ARHGAP31: variants seen among roughly 807,000 people sequenced by gnomAD.
ARHGAP31 encodes the protein Rho GTPase activating protein 31, also known as rho GTPase-activating protein 31.
In ARHGAP31, 34 loss-of-function variants were observed where a neutral mutation model predicts 113.9. The observed-to-expected ratio is 0.30, with a 90% CI of 0.23 to 0.40. The LOEUF is 0.40. ARHGAP31 is among the 10% of genes least tolerant of loss of function. The probability of loss-of-function intolerance (pLI) is 1.00; values close to 1 mark genes in which losing one functional copy is unlikely to be tolerated. For synonymous variants in ARHGAP31, 650 were observed against 684.8 expected (o/e 0.95, Z 0.79); for missense variants, 1,548 against 1,767.1 (o/e 0.88, Z 2.22).
intron 1 of ARHGAP31, among the ~76,000 whole-genome samples, chr3:119,352,612 A>T (rs567551916): frequency 3.7e-4 from 45 of 121,248 alleles, no homozygotes; most frequent in Non-Finnish European, 6.4e-4. Context: ...CCCTCTTCCC[A>T]CACACACACA....
chr3:119,302,376 A>AT (rs561213067), intron 1 of ARHGAP31, among the ~76,000 whole-genome samples: 6 of 151,916 alleles, frequency 3.9e-5, no homozygotes, highest in Non-Finnish European at 7.4e-5. Context: ...TTGGTACTAG[A>AT]TTTTTTTTTG....
chr3:119,326,152 A>G (rs2107604958), intron 1 of ARHGAP31, among the ~76,000 whole-genome samples: 2 of 152,338 alleles, frequency 1.3e-5, no homozygotes, highest in Admixed American at 1.3e-4. Context: ...AGATCATGTC[A>G]TTGCACTCCA....
At position 119,415,632 on chromosome 3, in the gene ARHGAP31, G is replaced by C; in HGVS notation, c.3703G>C (p.Gly1235Arg). ...GVQPLERSQE[G>R]PSSTSGTTQK... is the part of the protein sequence containing the mutation. Reference sequence around the variant, plus strand: ...TCAGCCTCTGGAGAGGAGCCAGGAGGGACCCAGCTCAACCAGTGGGACCAC... The same window carrying C: ...TCAGCCTCTGGAGAGGAGCCAGGAGCGACCCAGCTCAACCAGTGGGACCAC... The change falls in exon 12 of 12, where the codon GGA becomes CGA. Residue 1235 changes from glycine (G) to arginine (R), a missense_variant. Coordinates refer to ENST00000264245, the MANE Select transcript of ARHGAP31 (RefSeq NM_020754.4). 1 of 1,614,152 alleles carries C rather than the reference G, an allele frequency of 6.2e-7. No individual in the cohort carries two copies. Among genetic ancestry groups the C allele is most frequent in the South Asian group, 1.1e-5 (1 of 91,082 alleles).
chr3:119,361,017 A>G (rs942376115), intron 1 of ARHGAP31, among the ~76,000 whole-genome samples: 1 of 152,210 alleles, frequency 6.6e-6, no homozygotes, highest in African/African-American at 2.4e-5. Context: ...CTTTCTGTCT[A>G]TAACTACTCA....
At chr3:119,381,725 T>C (rs149496616) in intron 4 of ARHGAP31, among the ~76,000 whole-genome samples, 2,828 of 152,240 alleles carry the variant, frequency 0.019, 40 homozygotes, top group Non-Finnish European at 0.025. Context: ...TGGTGGCTCA[T>C]GCCTGTAATC....
At chr3:119,310,214 G>T (rs1020058997) in intron 1 of ARHGAP31, among the ~76,000 whole-genome samples, 2 of 152,162 alleles carry the variant, frequency 1.3e-5, no homozygotes, top group African/African-American at 4.8e-5. Flanking sequence ...AGGGAGCCCA[G>T]GCTCAGTCTT....
intron 1 of ARHGAP31, among the ~76,000 whole-genome samples, chr3:119,318,257 G>A (rs62265239): frequency 9.2e-5 from 14 of 152,280 alleles, no homozygotes; most frequent in African/African-American, 2.4e-4. Flanking sequence ...GTGAAAGATC[G>A]AGACCCTGTC....
chr3:119,305,948 A>G (rs1172030474), intron 1 of ARHGAP31, among the ~76,000 whole-genome samples: 2 of 152,104 alleles, frequency 1.3e-5, no homozygotes, highest in Non-Finnish European at 2.9e-5. Flanking sequence ...CTGACTTCCA[A>G]ATGGGGCATG....
At chr3:119,297,909 A>ATC (rs113464687) in intron 1 of ARHGAP31, among the ~76,000 whole-genome samples, 2 of 142,690 alleles carry the variant, frequency 1.4e-5, no homozygotes, top group African/African-American at 5.2e-5. Flanking sequence ...TTTCCTTAGA[A>ATC]ACACACACAC....
At chr3:119,368,229 A>C (rs1316969638) in intron 2 of ARHGAP31, 143 bp from the exon 3 acceptor site, 5 of 1,052,464 alleles carry the variant, frequency 4.8e-6, no homozygotes. Flanking sequence ...TAGGGCCTGG[A>C]GTAGAAGATC....
intron 1 of ARHGAP31, among the ~76,000 whole-genome samples, chr3:119,363,625 GGAAT>G (rs2107621916): frequency 6.6e-6 from 1 of 152,308 alleles, no homozygotes. Context: ...ACAAGGGAAA[GGAAT>G]GCTTAGAGCA....
intron 1 of ARHGAP31, 93 bp downstream of exon 1, chr3:119,295,097 A>G (rs1282499114): frequency 2.5e-6 from 3 of 1,190,880 alleles, no homozygotes; most frequent in Admixed American, 3.6e-5. Context: ...TCGGTTCACA[A>G]GTTAATGTAT....
chr3:119,308,733 T>TGA (rs1422168233), intron 1 of ARHGAP31, among the ~76,000 whole-genome samples: 2 of 152,256 alleles, frequency 1.3e-5, no homozygotes, highest in Admixed American at 1.3e-4. Context: ...TGAAGGGCAT[T>TGA]ATACTGCTTA....
chr3:119,376,552 G>A (rs2080350608), intron 3 of ARHGAP31, among the ~76,000 whole-genome samples: 1 of 152,060 alleles, frequency 6.6e-6, no homozygotes, highest in Admixed American at 6.6e-5. Context: ...CTTTGTACCT[G>A]CTGTTTCTTC....
Position 119,390,843 on chromosome 3 carries a change from G to A in ARHGAP31, c.741G>A (p.Leu247=), listed in dbSNP as rs755997845. ...TLPALSLPMK[L]VSLEEAQARS... ...CAGCCCTCTCCCTGCCCATGAAGCT[G>A]GTGAGCCTTGAGGAAGCTCAAGCCC... Residue 247 remains leucine, a synonymous_variant, in exon 7 of 12, where the codon CTG becomes CTA. Transcript: ENST00000264245. 1 of 1,613,766 alleles carries A rather than the reference G, an allele frequency of 6.2e-7. No individual in the cohort carries two copies. Among genetic ancestry groups the A allele is most frequent in the South Asian group, 1.1e-5 (1 of 91,062 alleles).
Position 119,294,850 on chromosome 3 carries a change from G to A in ARHGAP31, c.-55G>A, listed in dbSNP as rs1044130616. 3.3e-6 allele frequency: 5 copies of A among 1,518,460 alleles called. No individual in the cohort carries two copies. The highest frequency in any genetic ancestry group is 2.2e-5 in the South Asian group (2 of 89,102). The allele number at this position is 1,518,460 out of a possible 1,614,324, so 94.1% of individuals were successfully genotyped here. On this transcript the variant is annotated 5_prime_UTR_variant, in exon 1 of 12. Transcript: ENST00000264245. ...CTAGCCCGGGAGCCCATCTTACAGC[G>A]GTGCCAAGCAGAGGGGCGGCAGAGA... is the stretch of plus-strand genomic sequence containing the variant.
chr3:119,357,116 G>C (rs775644185), intron 1 of ARHGAP31, among the ~76,000 whole-genome samples: 2 of 152,222 alleles, frequency 1.3e-5, no homozygotes, highest in Non-Finnish European at 2.9e-5. Context: ...TATCAGTGCA[G>C]TTTTAATTTG....
At chr3:119,300,375 C>T (rs750069161) in intron 1 of ARHGAP31, among the ~76,000 whole-genome samples, 3 of 152,132 alleles carry the variant, frequency 2.0e-5, no homozygotes, top group Non-Finnish European at 2.9e-5. Flanking sequence ...TAAGATGGAG[C>T]TAATCCATCA....
chr3:119,378,430 GC>G (rs1006768248), intron 3 of ARHGAP31, among the ~76,000 whole-genome samples: 2 of 152,054 alleles, frequency 1.3e-5, no homozygotes, highest in Non-Finnish European at 2.9e-5. Context: ...GGATGAGCCT[GC>G]CCCGCCTCTT....
Sources: allele counts gnomAD v4.1 joint callset (sites outside exome capture counted in the v4.1 genomes callset), GRCh38; gene constraint gnomAD v4.1.1; transcripts MANE v1.5; gene names NCBI Gene and HGNC (gene_info 2026-07-23, HGNC 2026-07-21).